Variants in SRSF5 observed in about 807,000 individuals in gnomAD.
SRSF5 encodes the protein serine/arginine-rich splicing factor 5.
Under a neutral mutation model 34.0 loss-of-function variants are expected in SRSF5, and 5 were observed. The ratio of observed to expected loss-of-function variants is 0.15; its 90% CI spans 0.08 to 0.31. The LOEUF (loss-of-function observed/expected upper bound fraction) is 0.31. Ranked by LOEUF, SRSF5 falls within the 10% of genes least tolerant of loss-of-function variation. The pLI, the probability that SRSF5 is intolerant of heterozygous loss-of-function variation, is 1.00. For synonymous variants in SRSF5, 164 were observed against 117.7 expected (o/e 1.39, Z -2.55); for missense variants, 223 against 351.4 (o/e 0.63, Z 2.92).
Position 69,767,246 on chromosome 14 carries a change from C to T in SRSF5, c.-29C>T, listed in dbSNP as rs575321060. ...TCTGGGTCTCAGCCGCCAAAGACCC[C>T]GTCCGGTAGGTGAGTGGCTCACTTT... On this transcript the variant is annotated 5_prime_UTR_variant, in exon 1 of 8. Coordinates refer to ENST00000557154, the MANE Select transcript of SRSF5 (RefSeq NM_001320214.2). 2.6e-5 allele frequency: 10 copies of T among 378,680 alleles called. No individual in the cohort carries two copies. Among genetic ancestry groups the T allele is most frequent in the African/African-American group, 2.1e-4 (10 of 47,050 alleles). The allele number at this position is 378,680 out of a possible 1,614,324, so 23.5% of individuals were successfully genotyped here. A position where few individuals can be genotyped will look rare whatever the true frequency, so the allele number is the denominator to read the frequency against.
chr14:69,768,407 A>G, intron 2 of SRSF5, 125 bp downstream of exon 2: 1 of 1,427,234 alleles, frequency 7.0e-7, no homozygotes, highest in Non-Finnish European at 9.6e-7. Context: ...TTATGTCTGA[A>G]TTTTATTGAG....
Position 69,769,190 on chromosome 14 carries a change from C to T in SRSF5, c.305C>T (p.Pro102Leu). The T allele has an allele frequency of 6.2e-7, 1 of 1,614,144 alleles. No homozygotes were observed. Among genetic ancestry groups the T allele is most frequent in the Non-Finnish European group, 8.5e-7 (1 of 1,180,022 alleles). ...CGAATTTTCTTCCTCAGAAATGCTC[C>T]ACCTGTAAGAACAGAAAATCGTCTT... is the stretch of plus-strand genomic sequence containing the variant. ...RRPRNDRRNAPPVRTENRLIV... is the reference protein window; with the variant it reads ...RRPRNDRRNALPVRTENRLIV... Residue 102 changes from proline (P) to leucine (L), a missense_variant, in exon 5 of 8, where the codon CCA (proline) becomes CTA (leucine). Physicochemically the swap from Pro to Leu is moderately conservative, Grantham distance 98. Around this residue, in one of 4 missense-constraint regions of SRSF5, gnomAD observed 44 missense variants for 44.3 expected, o/e 0.99. Transcript: ENST00000557154.
chr14:69,771,580 A>G lies in SRSF5; in HGVS notation c.*119A>G. On this transcript the variant is annotated 3_prime_UTR_variant, in exon 8 of 8. Transcript: ENST00000557154. ...GCTTTTCTGTGGGGGTGGGATTTGG[A>G]AGGGGGGTTGGGTTGGGCTGGATAT... The G allele has an allele frequency of 1.3e-6, 1 of 740,782 alleles. No individual in the cohort carries two copies. The highest frequency in any genetic ancestry group is 2.0e-6 in the Non-Finnish European group (1 of 499,512). The allele number at this position is 740,782 out of a possible 1,614,324, so 45.9% of individuals were successfully genotyped here. A position where few individuals can be genotyped will look rare whatever the true frequency, so the allele number is the denominator to read the frequency against.
chr14:69,769,323 ATTGTT>A, intron 5 of SRSF5, 72 bp downstream of exon 5: 1 of 1,581,838 alleles, frequency 6.3e-7, no homozygotes, highest in South Asian at 1.2e-5. Flanking sequence ...CTAATGTTGT[ATTGTT>A]TTATTAAAAG....
intron 2 of SRSF5, 81 bp from the exon 3 acceptor site, chr14:69,768,523 G>C: frequency 7.1e-7 from 1 of 1,399,214 alleles, no homozygotes; most frequent in South Asian, 1.2e-5. Flanking sequence ...TTCCCATTCT[G>C]TCTCCTGATT....
intron 4 of SRSF5, 125 bp from the exon 5 acceptor site, chr14:69,769,043 TATGAGTCATAGAAC>T: frequency 2.3e-6 from 3 of 1,284,726 alleles, no homozygotes; most frequent in Non-Finnish European, 3.4e-6. Flanking sequence ...GATGAATCTA[TATGAGTCATAGAAC>T]ACAAATCTAT....
intron 1 of SRSF5, 137 bp from the exon 2 acceptor site, chr14:69,768,001 A>C (rs1219354451): frequency 9.2e-6 from 9 of 977,228 alleles, no homozygotes; most frequent in East Asian, 2.7e-5. Flanking sequence ...ACCTGGCCTC[A>C]TTAGAGGCTC....
intron 5 of SRSF5, chr14:69,769,576 ACT>A: frequency 6.5e-7 from 1 of 1,535,074 alleles, no homozygotes; most frequent in Non-Finnish European, 8.7e-7. Flanking sequence ...TGTCTTGGTC[ACT>A]CTTGGTTGGG....
chr14:69,770,257 G>C (rs1162454795), intron 5 of SRSF5: 1 of 1,329,406 alleles, frequency 7.5e-7, no homozygotes, highest in African/African-American at 1.5e-5. Context: ...ATTTCTTTTA[G>C]CATTTTGCTT....
Position 69,770,528 on chromosome 14 carries a change from A to C in SRSF5, c.428A>C (p.Lys143Thr). The change falls in exon 6 of 8, where the codon AAA becomes ACA. Residue 143 changes from lysine (K) to threonine (T), a missense_variant. Transcript: ENST00000557154. ...EVTFADAHRP[K>T]LNEGVVEFAS... ...ACGTTTGCGGATGCACACCGACCTA[A>C]ATTAAATGAAGGGTATGTACTGGAA... 1 of 1,613,854 alleles carries C rather than the reference A, an allele frequency of 6.2e-7. No individual in the cohort carries two copies. The highest frequency in any genetic ancestry group is 8.5e-7 in the Non-Finnish European group (1 of 1,179,786).
At chr14:69,767,316 A>C (rs1882568763) in intron 1 of SRSF5, 61 bp downstream of exon 1, 1 of 448,758 alleles carries the variant, frequency 2.2e-6, no homozygotes, top group Admixed American at 2.5e-5. Context: ...GGCCGCTCAG[A>C]TCGTGAGCGG....
intron 5 of SRSF5, chr14:69,769,569 C>T: frequency 5.9e-6 from 9 of 1,535,384 alleles, no homozygotes; most frequent in Non-Finnish European, 7.0e-6. Context: ...TAATCGTTGT[C>T]TTGGTCACTC....
In SRSF5 at chr14:69,769,295, A is replaced by T. The variant is rs552426275; in HGVS notation, c.366+44A>T. 5.0e-5 allele frequency: 80 copies of T among 1,609,208 alleles called. No homozygotes were observed. The South Asian group carries it at 7.8e-4, about 16-fold the overall frequency. ...TTGAGTTATTTTGATGTGGCTTTTT[A>T]AAAAAGTTAATGGGTAGCTAATGTT... On this transcript the variant is annotated intron_variant, in intron 5 of 7. Transcript: ENST00000557154.
At chr14:69,770,430 T>C (rs769881405) in intron 5 of SRSF5, 37 bp from the exon 6 acceptor site, 1 of 1,605,802 alleles carries the variant, frequency 6.2e-7, no homozygotes, top group Non-Finnish European at 8.5e-7. Flanking sequence ...GTGTCCCCTT[T>C]CCTCTTCTTT....
intron 5 of SRSF5, chr14:69,769,808 G>A: frequency 7.5e-7 from 1 of 1,335,098 alleles, no homozygotes; most frequent in Non-Finnish European, 9.6e-7. Flanking sequence ...TACGAAATTA[G>A]GTGGTCGTTG....
chr14:69,770,330 A>G, intron 5 of SRSF5, 137 bp from the exon 6 acceptor site: 1 of 1,438,326 alleles, frequency 7.0e-7, no homozygotes, highest in South Asian at 1.5e-5. Context: ...ATTCTGATAG[A>G]ATACAAGTGT....
rs1255911158 is a variant in SRSF5, at chr14:69,771,538, A to T, written c.*77A>T. On this transcript the variant is annotated 3_prime_UTR_variant, in exon 8 of 8. Transcript: ENST00000557154. ...AAATTCCCAAACCATACTTGCTAAA[A>T]ATTCTGGTAAGTATGTGCTTTTCTG... The T allele has an allele frequency of 2.7e-5, 41 of 1,511,576 alleles. No individual in the cohort carries two copies. The highest frequency in any genetic ancestry group is 3.1e-5 in the Non-Finnish European group (35 of 1,122,686). 93.6% of individuals were successfully genotyped at this position (1,511,576 alleles called of 1,614,324 possible).
intron 2 of SRSF5, 111 bp downstream of exon 2, chr14:69,768,393 A>G: frequency 6.7e-7 from 1 of 1,482,254 alleles, no homozygotes. Context: ...AATGTTACCC[A>G]GCCTTATGTC....
Position 69,768,279 on chromosome 14 carries a change from T to C in SRSF5, c.123T>C (p.Phe41=). 2 of 1,614,214 alleles carry C rather than the reference T, an allele frequency of 1.2e-6. No homozygotes were observed. Among genetic ancestry groups the C allele is most frequent in the Non-Finnish European group, 1.7e-6 (2 of 1,180,030 alleles). Reference sequence around the variant, plus strand: ...TTGATCTGAAAAGAGGCTTTGGTTTTGTGGTAAGTATTTAGAACTGGGTGA... The same window carrying C: ...TTGATCTGAAAAGAGGCTTTGGTTTCGTGGTAAGTATTTAGAACTGGGTGA... The part of the protein sequence containing the change: ...RDIDLKRGFG[F]VEFEDPRDAD... Residue 41 remains phenylalanine (F), a synonymous_variant, in exon 2 of 8, where the codon TTT becomes TTC. Transcript: ENST00000557154.
Sources: gnomAD v4.1 joint callset for allele counts on GRCh38, gnomAD v4.1.1 for gene constraint, gnomAD v4.1.1 regional missense constraint, MANE v1.5 for transcripts, NCBI Gene and HGNC (gene_info 2026-07-23, HGNC 2026-07-21) for gene names.